FUT4: variants seen among roughly 807,000 people sequenced by gnomAD.
FUT4 encodes the protein alpha-(1,3)-fucosyltransferase 4.
Under a neutral mutation model 3.8 loss-of-function variants are expected in FUT4, and 1 was observed. That is an observed-to-expected ratio of 0.26 (90% confidence interval 0.09 to 1.25). FUT4 has a LOEUF of 1.25. Ranked by LOEUF, FUT4 falls within the 50% of genes most tolerant of loss-of-function variation. FUT4 has a pLI of 0.47. For missense variants in FUT4, 880 were observed against 768.2 expected (o/e 1.15, Z -1.72); for synonymous variants, 417 against 355.3 (o/e 1.17, Z -1.95).
At position 94,549,363 on chromosome 11, in the gene FUT4, G is replaced by A. The variant is rs1345287186; in HGVS notation, c.*3637G>A. The A allele has an allele frequency of 1.2e-5, 2 of 167,066 alleles. No homozygotes were observed. The highest frequency in any genetic ancestry group is 4.8e-5 in the African/African-American group (2 of 41,436). 10.3% of individuals were successfully genotyped at this position (167,066 alleles called of 1,614,324 possible). On this transcript the variant is annotated 3_prime_UTR_variant, in exon 1 of 1. Transcript: ENST00000358752. ...AAGGTCCAGGCCCACTGAAGGACTT[G>A]CATAACATTACAATAGCAGTGGCAG...
In FUT4 at chr11:94,547,438, T is replaced by C. The variant is rs1947876537; in HGVS notation, c.*1712T>C. The C allele has an allele frequency of 6.0e-6, 1 of 166,944 alleles. No homozygotes were observed. Among genetic ancestry groups the C allele is most frequent in the African/African-American group, 2.4e-5 (1 of 41,466 alleles). The allele number at this position is 166,944 out of a possible 1,614,324, so 10.3% of individuals were successfully genotyped here. On this transcript the variant is annotated 3_prime_UTR_variant, in exon 1 of 1. Transcript: ENST00000358752. ...GTTTTATACAGAGTTCTGCTGTAAA[T>C]AGTCATTTTGCATTTGATTAGTGCA... is the stretch of plus-strand genomic sequence containing the variant.
In FUT4 at chr11:94,546,049, G is replaced by T; in HGVS notation, c.*323G>T. The T allele has an allele frequency of 2.3e-6, 1 of 432,574 alleles. No individual in the cohort carries two copies. The highest frequency in any genetic ancestry group is 3.4e-5 in the Admixed American group (1 of 29,114). The allele number at this position is 432,574 out of a possible 1,614,324, so 26.8% of individuals were successfully genotyped here. On this transcript the variant is annotated 3_prime_UTR_variant, in exon 1 of 1. Transcript: ENST00000358752. ...TTAGCGGCAAGAAGCCGTTGAGGCG[G>T]TTTCCTGAATTTCCCCATCTGCCAC...
In FUT4 at chr11:94,545,313, C is replaced by G. The variant is rs1384314463; in HGVS notation, c.1180C>G (p.Pro394Ala). Residue 394 changes from proline to alanine, a missense_variant, in exon 1 of 1, where the codon CCG becomes GCG. Coordinates refer to ENST00000358752, the MANE Select transcript of FUT4 (RefSeq NM_002033.4). Reference protein sequence around the residue: ...DVFGRGGPGQPVPEIGLLHTV... With the variant: ...DVFGRGGPGQAVPEIGLLHTV... Reference sequence around the variant, plus strand: ...GTTCGGCCGGGGCGGGCCGGGGCAGCCGGTGCCCGAAATTGGGCTCCTGCA... The same window carrying G: ...GTTCGGCCGGGGCGGGCCGGGGCAGGCGGTGCCCGAAATTGGGCTCCTGCA... 2 of 1,612,466 alleles carry G rather than the reference C, an allele frequency of 1.2e-6. No homozygotes were observed. Among genetic ancestry groups the G allele is most frequent in the Non-Finnish European group, 1.7e-6 (2 of 1,179,872 alleles).
At position 94,548,244 on chromosome 11, in the gene FUT4, T is replaced by C. The variant is rs1345222422; in HGVS notation, c.*2518T>C. 1.1e-5 allele frequency: 1 copy of C among 87,888 alleles called. No homozygotes were observed. Among genetic ancestry groups the C allele is most frequent in the African/African-American group, 4.3e-5 (1 of 23,154 alleles). The allele number at this position is 87,888 out of a possible 1,614,324, so 5.4% of individuals were successfully genotyped here. A position where few individuals can be genotyped will look rare whatever the true frequency, so the allele number is the denominator to read the frequency against. On this transcript the variant is annotated 3_prime_UTR_variant, in exon 1 of 1. Transcript: ENST00000358752. Reference sequence around the variant, plus strand: ...ATAATTAGCATGAGGAAGGTATAATTGCATTTTTTTTTTTTTGAGACGGAG... The same window carrying C: ...ATAATTAGCATGAGGAAGGTATAATCGCATTTTTTTTTTTTTGAGACGGAG...
rs781543949 is a variant in FUT4 at position 94,544,566 on chromosome 11, C to G, written c.433C>G (p.Arg145Gly). The G allele has an allele frequency of 3.1e-5, 40 of 1,295,562 alleles. No homozygotes were observed. Among genetic ancestry groups the G allele is most frequent in the Non-Finnish European group, 3.8e-5 (39 of 1,028,870 alleles). 80.3% of individuals were successfully genotyped at this position (1,295,562 alleles called of 1,614,324 possible). A position where few individuals can be genotyped will look rare whatever the true frequency, so the allele number is the denominator to read the frequency against. Reference sequence around the variant, plus strand: ...GGCGGGCGGGCGGCGCGGGTGGCGCCGAGGCCGGGGGCTGCCATGGACCGT... The same window carrying G: ...GGCGGGCGGGCGGCGCGGGTGGCGCGGAGGCCGGGGGCTGCCATGGACCGT... Reference protein sequence around the residue: ...AAAGGRRGWRRGRGLPWTVCV... With the variant: ...AAAGGRRGWRGGRGLPWTVCV... The change falls in exon 1 of 1, where the codon CGA becomes GGA. Residue 145 changes from arginine (R) to glycine (G), a missense_variant. Physicochemically the swap from Arg to Gly is moderately radical, Grantham distance 125. This residue lies in a region of FUT4 where 447 missense variants were observed against 339.5 expected (regional missense o/e 1.32). Transcript: ENST00000358752.
In FUT4 at chr11:94,545,300, C is replaced by G; in HGVS notation, c.1167C>G (p.Gly389=). The G allele has an allele frequency of 6.2e-7, 1 of 1,611,510 alleles. No homozygotes were observed. The highest frequency in any genetic ancestry group is 8.5e-7 in the Non-Finnish European group (1 of 1,179,392). ...QHVTVDVFGR[G]GPGQPVPEIG... Reference sequence around the variant, plus strand: ...TGACCGTGGACGTGTTCGGCCGGGGCGGGCCGGGGCAGCCGGTGCCCGAAA... The same window carrying G: ...TGACCGTGGACGTGTTCGGCCGGGGGGGGCCGGGGCAGCCGGTGCCCGAAA... Residue 389 remains glycine, a synonymous_variant, in exon 1 of 1, where the codon GGC becomes GGG. Transcript: ENST00000358752.
chr11:94,544,961 G>T lies in FUT4; in HGVS notation c.828G>T (p.Ala276=), dbSNP rs1947843168. The change falls in exon 1 of 1, where the codon GCG becomes GCT. Residue 276 remains alanine, a synonymous_variant. Transcript: ENST00000358752. The stretch of plus-strand genomic sequence containing the variant: ...TGGACTACGAGGAGGCAGCGGCGGC[G>T]GCAGAAGCCCTGGCGACCTCCAGCC... ...RVLDYEEAAA[A]AEALATSSPR... 5 of 1,605,480 alleles carry T rather than the reference G, an allele frequency of 3.1e-6. No homozygotes were observed. Among genetic ancestry groups the T allele is most frequent in the Non-Finnish European group, 4.2e-6 (5 of 1,176,478 alleles).
rs973258615 is a variant in FUT4 at position 94,548,777 on chromosome 11, A to C, written c.*3051A>C. 6.6e-5 allele frequency: 11 copies of C among 167,032 alleles called. No individual in the cohort carries two copies. The highest frequency in any genetic ancestry group is 2.7e-4 in the African/African-American group (11 of 41,432). The allele number at this position is 167,032 out of a possible 1,614,324, so 10.3% of individuals were successfully genotyped here. A position where few individuals can be genotyped will look rare whatever the true frequency, so the allele number is the denominator to read the frequency against. ...GGCTTTTCCCTCAAATTTATTACAA[A>C]TTTAGTATTTTTAGTACTTGATGAC... On this transcript the variant is annotated 3_prime_UTR_variant, in exon 1 of 1. Coordinates refer to ENST00000358752, the MANE Select transcript of FUT4 (RefSeq NM_002033.4).
Position 94,544,736 on chromosome 11 carries a change from C to G in FUT4, c.603C>G (p.Arg201=). ...TGTGGTGGGAGCCCTTCGGGGGGCGCGATAGCGCCCCGAGGCCGCCCCCTG... is the reference window on the plus strand; with the variant it reads ...TGTGGTGGGAGCCCTTCGGGGGGCGGGATAGCGCCCCGAGGCCGCCCCCTG... ...VLLWWEPFGG[R]DSAPRPPPDC... is the part of the protein sequence containing the mutation. The change falls in exon 1 of 1, where the codon CGC becomes CGG. Residue 201 remains arginine (R), a synonymous_variant. Coordinates refer to ENST00000358752, the MANE Select transcript of FUT4 (RefSeq NM_002033.4). The G allele has an allele frequency of 6.4e-7, 1 of 1,559,472 alleles. No homozygotes were observed. The highest frequency in any genetic ancestry group is 1.4e-5 in the African/African-American group (1 of 73,406).
chr11:94,546,864 T>C lies in FUT4; in HGVS notation c.*1138T>C, dbSNP rs1395559020. 1.2e-5 allele frequency: 2 copies of C among 167,106 alleles called. No individual in the cohort carries two copies. Among genetic ancestry groups the C allele is most frequent in the South Asian group, 2.1e-4 (1 of 4,828 alleles). The allele number at this position is 167,106 out of a possible 1,614,324, so 10.4% of individuals were successfully genotyped here. On this transcript the variant is annotated 3_prime_UTR_variant, in exon 1 of 1. Coordinates refer to ENST00000358752, the MANE Select transcript of FUT4 (RefSeq NM_002033.4). ...CTGTTGTTGGCAGTTTTTGTTTATC[T>C]CTGACAGTTTTTAGTTAAATGTTTA...
chr11:94,549,221 G>A lies in FUT4; in HGVS notation c.*3495G>A, dbSNP rs1947899960. On this transcript the variant is annotated 3_prime_UTR_variant, in exon 1 of 1. Transcript: ENST00000358752. ...ACGCTTTGCATATATAATTTATGGA[G>A]GTGTTGAGAGGATAGATTAGACACT... 1 of 167,154 alleles carries A rather than the reference G, an allele frequency of 6.0e-6. No homozygotes were observed. Among genetic ancestry groups the A allele is most frequent in the East Asian group, 1.9e-4 (1 of 5,194 alleles). The allele number at this position is 167,154 out of a possible 1,614,324, so 10.4% of individuals were successfully genotyped here. A position where few individuals can be genotyped will look rare whatever the true frequency, so the allele number is the denominator to read the frequency against.
At position 94,544,424 on chromosome 11, in the gene FUT4, GC is replaced by G; in HGVS notation, c.293del (p.Pro98ArgfsTer64). 1 of 1,525,140 alleles carries G rather than the reference GC, an allele frequency of 6.6e-7. No individual in the cohort carries two copies. Among genetic ancestry groups the G allele is most frequent in the Non-Finnish European group, 8.7e-7 (1 of 1,144,040 alleles). 94.5% of individuals were successfully genotyped at this position (1,525,140 alleles called of 1,614,324 possible). A position where few individuals can be genotyped will look rare whatever the true frequency, so the allele number is the denominator to read the frequency against. On this transcript the variant is annotated frameshift_variant, in exon 1 of 1. Coordinates refer to ENST00000358752, the MANE Select transcript of FUT4 (RefSeq NM_002033.4). LOFTEE classifies it low-confidence loss of function (END_TRUNC). ...GCGGCGAGCGGCAGCGACGGCTGGA[GC>G]CGCAGCTACAGCATGAGAGCCGGTG... ...ASGERQRRLEPQLQHESRCRS... is the reference protein window; with the variant it reads ...ASGERQRRLEXQLQHESRCRS...
chr11:94,544,604 G>T lies in FUT4; in HGVS notation c.471G>T (p.Ala157=). Residue 157 remains alanine, a synonymous_variant, in exon 1 of 1, where the codon GCG becomes GCT. Transcript: ENST00000358752. The part of the protein sequence containing the change: ...RGLPWTVCVL[A]AAGLTCTALI... ...TGCCATGGACCGTCTGTGTGCTGGCGGCCGCCGGCTTGACGTGTACGGCGC... is the reference window on the plus strand; with the variant it reads ...TGCCATGGACCGTCTGTGTGCTGGCTGCCGCCGGCTTGACGTGTACGGCGC... 6.9e-7 allele frequency: 1 copy of T among 1,457,996 alleles called. No homozygotes were observed. 90.3% of individuals were successfully genotyped at this position (1,457,996 alleles called of 1,614,324 possible).
In FUT4 at chr11:94,547,404, G is replaced by A. The variant is rs912582362; in HGVS notation, c.*1678G>A. 5 of 166,954 alleles carry A rather than the reference G, an allele frequency of 3.0e-5. No individual in the cohort carries two copies. The highest frequency in any genetic ancestry group is 1.2e-4 in the African/African-American group (5 of 41,438). The allele number at this position is 166,954 out of a possible 1,614,324, so 10.3% of individuals were successfully genotyped here. ...GACTAATTATTGTGGGTAGGGTCAA[G>A]ATTAACTAGTTTTATACAGAGTTCT... On this transcript the variant is annotated 3_prime_UTR_variant, in exon 1 of 1. Coordinates refer to ENST00000358752, the MANE Select transcript of FUT4 (RefSeq NM_002033.4).
At position 94,545,573 on chromosome 11, in the gene FUT4, G is replaced by T. The variant is rs775535065; in HGVS notation, c.1440G>T (p.Ala480=). The change falls in exon 1 of 1, where the codon GCG becomes GCT. Residue 480 remains alanine, a synonymous_variant. Coordinates refer to ENST00000358752, the MANE Select transcript of FUT4 (RefSeq NM_002033.4). ...TGCTTTTCCTCGACCGCAACCCCGC[G>T]GTCTATCGCCGCTACTTCCACTGGC... The part of the protein sequence containing the change: ...SYLLFLDRNP[A]VYRRYFHWRR... 2 of 1,613,546 alleles carry T rather than the reference G, an allele frequency of 1.2e-6. No homozygotes were observed. Among genetic ancestry groups the T allele is most frequent in the Non-Finnish European group, 1.7e-6 (2 of 1,180,026 alleles).
At position 94,544,312 on chromosome 11, in the gene FUT4, C is replaced by A. The variant is rs752685639; in HGVS notation, c.179C>A (p.Ala60Glu). Residue 60 changes from alanine (A) to glutamate (E), a missense_variant, in exon 1 of 1, where the codon GCG (alanine) becomes GAG (glutamate). Physicochemically the swap from Ala to Glu is moderately radical, Grantham distance 107. Coordinates refer to ENST00000358752, the MANE Select transcript of FUT4 (RefSeq NM_002033.4). The stretch of plus-strand genomic sequence containing the variant: ...TCCTGGCCAGCTCACCTTGCCCTGG[C>A]GGCTCGCCCCGCCCGGCACTTGGGA... ...WASWPAHLAL[A>E]ARPARHLGGA... 1.3e-6 allele frequency: 2 copies of A among 1,556,354 alleles called. No individual in the cohort carries two copies. Among genetic ancestry groups the A allele is most frequent in the South Asian group, 2.3e-5 (2 of 86,148 alleles).
Position 94,544,083 on chromosome 11 carries a change from G to A in FUT4, c.-51G>A. Reference sequence around the variant, plus strand: ...ACAGTGAGCGAGGGCCAGGGCGGTGGGCGCGCGCAGAGGGAAACCGGATCA... The same window carrying A: ...ACAGTGAGCGAGGGCCAGGGCGGTGAGCGCGCGCAGAGGGAAACCGGATCA... On this transcript the variant is annotated 5_prime_UTR_variant, in exon 1 of 1. The change creates a premature stop within an existing upstream ORF in the 5' untranslated region. Coordinates refer to ENST00000358752, the MANE Select transcript of FUT4 (RefSeq NM_002033.4). 7.3e-7 allele frequency: 1 copy of A among 1,362,026 alleles called. No homozygotes were observed. The highest frequency in any genetic ancestry group is 3.1e-5 in the East Asian group (1 of 32,242). The allele number at this position is 1,362,026 out of a possible 1,614,324, so 84.4% of individuals were successfully genotyped here.
chr11:94,545,362 A>G lies in FUT4; in HGVS notation c.1229A>G (p.Tyr410Cys), dbSNP rs759533317. 1.2e-6 allele frequency: 2 copies of G among 1,612,822 alleles called. No individual in the cohort carries two copies. The highest frequency in any genetic ancestry group is 1.1e-5 in the South Asian group (1 of 91,036). ...CACACAGTGGCCCGCTACAAGTTCTACCTGGCTTTCGAGAACTCGCAGCAC... is the reference window on the plus strand; with the variant it reads ...CACACAGTGGCCCGCTACAAGTTCTGCCTGGCTTTCGAGAACTCGCAGCAC... ...LLHTVARYKF[Y>C]LAFENSQHLD... The change falls in exon 1 of 1, where the codon TAC becomes TGC. Residue 410 changes from tyrosine (Y) to cysteine (C), a missense_variant. Physicochemically the swap from Tyr to Cys is radical, Grantham distance 194. This residue lies in a region of FUT4 where 424 missense variants were observed against 400.4 expected (regional missense o/e 1.06). Transcript: ENST00000358752.
At position 94,546,101 on chromosome 11, in the gene FUT4, T is replaced by G; in HGVS notation, c.*375T>G. The stretch of plus-strand genomic sequence containing the variant: ...GGCCATATTTGTGGCCCGTGCAGCT[T>G]CCAAATCTCATACACAACTGTTCCC... On this transcript the variant is annotated 3_prime_UTR_variant, in exon 1 of 1. Transcript: ENST00000358752. 5.3e-6 allele frequency: 2 copies of G among 378,678 alleles called. No homozygotes were observed. The highest frequency in any genetic ancestry group is 2.2e-5 in the South Asian group (1 of 45,776). 23.5% of individuals were successfully genotyped at this position (378,678 alleles called of 1,614,324 possible). A position where few individuals can be genotyped will look rare whatever the true frequency, so the allele number is the denominator to read the frequency against.
Sources: allele counts gnomAD v4.1 joint callset, GRCh38; gene constraint gnomAD v4.1.1; regional missense constraint gnomAD v4.1.1; transcripts MANE v1.5; gene names NCBI Gene and HGNC (gene_info 2026-07-23, HGNC 2026-07-21).